Variants in CTNNBIP1 observed in about 807,000 individuals in gnomAD.
CTNNBIP1 encodes the protein catenin beta interacting protein 1.
A neutral mutation model predicts 11.8 loss-of-function variants in CTNNBIP1; 7 were observed. The ratio of observed to expected loss-of-function variants is 0.60; its 90% CI spans 0.34 to 1.12. The LOEUF is 1.12. CTNNBIP1 is among the 50% of genes most tolerant of loss of function. CTNNBIP1 has a pLI of 0.03. For missense variants in CTNNBIP1, 101 were observed against 113.4 expected (o/e 0.89, Z 0.50); for synonymous variants, 58 against 43.9 (o/e 1.32, Z -1.26).
intron 5 of CTNNBIP1, among the ~76,000 whole-genome samples, chr1:9,864,628 G>T (rs1456688942): frequency 6.6e-6 from 1 of 152,018 alleles, no homozygotes; most frequent in Admixed American, 6.6e-5. Flanking sequence ...GTGCCTGGCC[G>T]GACAAGGGCC....
In CTNNBIP1 at chr1:9,904,569, A is replaced by G. The variant is rs185554579; in HGVS notation, c.-144+5526T>C. Among the ~76,000 whole-genome samples the G allele has an allele frequency of 1.6e-3, 236 of 152,216 alleles. 1 individual carries two copies. The highest frequency in any genetic ancestry group is 3.7e-3 in the Admixed American group (57 of 15,266). Reference sequence around the variant, plus strand: ...TGGTCAGAGTTGCCAGTGTGGCCCAACCCTCTATAGAGGGGCCTGGTGATG... The same window carrying G: ...TGGTCAGAGTTGCCAGTGTGGCCCAGCCCTCTATAGAGGGGCCTGGTGATG... On this transcript the variant is annotated intron_variant, in intron 1 of 5. Coordinates refer to ENST00000377263, the MANE Select transcript of CTNNBIP1 (RefSeq NM_020248.3).
chr1:9,855,058 T>C (rs1638473080), intron 5 of CTNNBIP1, among the ~76,000 whole-genome samples: 1 of 152,214 alleles, frequency 6.6e-6, no homozygotes, highest in African/African-American at 2.4e-5. Flanking sequence ...TGTATTTTTA[T>C]ATACTAGCAA....
chr1:9,907,877 C>T (rs1351305874), intron 1 of CTNNBIP1, among the ~76,000 whole-genome samples: 1 of 152,210 alleles, frequency 6.6e-6, no homozygotes, highest in Non-Finnish European at 1.5e-5. Context: ...ACTGGTATTC[C>T]TGCCTCCACC....
At chr1:9,869,409 G>A (rs1486012987) in intron 5 of CTNNBIP1, among the ~76,000 whole-genome samples, 1 of 152,106 alleles carries the variant, frequency 6.6e-6, no homozygotes, top group African/African-American at 2.4e-5. Flanking sequence ...GTCTTGCTCT[G>A]CTGCCCAGGC....
intron 1 of CTNNBIP1, among the ~76,000 whole-genome samples, chr1:9,906,755 AGTCTACAAGAAGCATG>A (rs1639628218): frequency 6.6e-6 from 1 of 152,216 alleles, no homozygotes; most frequent in Non-Finnish European, 1.5e-5. Flanking sequence ...CTGGATGAGG[AGTCTACAAGAAGCATG>A]GTCTGATGAA....
chr1:9,887,221 C>T (rs1207211176), intron 1 of CTNNBIP1, among the ~76,000 whole-genome samples: 1 of 152,214 alleles, frequency 6.6e-6, no homozygotes, highest in African/African-American at 2.4e-5. Flanking sequence ...CAGAGTCAGT[C>T]AGCCCTCACA....
intron 5 of CTNNBIP1, among the ~76,000 whole-genome samples, chr1:9,858,352 C>T (rs192323947): frequency 2.1e-3 from 323 of 152,282 alleles, no homozygotes; most frequent in Admixed American, 5.2e-3. Flanking sequence ...TCAAGGCCAA[C>T]GCCCACCTCC....
At chr1:9,868,041 C>T (rs1638784821) in intron 5 of CTNNBIP1, among the ~76,000 whole-genome samples, 2 of 152,214 alleles carry the variant, frequency 1.3e-5, no homozygotes, top group Admixed American at 1.3e-4. Context: ...AATAAATATG[C>T]TTATGAAACT....
At chr1:9,880,264 T>C (rs138583707) in intron 2 of CTNNBIP1, among the ~76,000 whole-genome samples, 1,589 of 152,274 alleles carry the variant, frequency 0.01, 42 homozygotes, top group African/African-American at 0.035. Context: ...TTGCTAAGAA[T>C]GATGGCTTCC....
At chr1:9,877,239 C>G (rs982575445) in intron 3 of CTNNBIP1, among the ~76,000 whole-genome samples, 2 of 152,232 alleles carry the variant, frequency 1.3e-5, no homozygotes, top group African/African-American at 4.8e-5. Flanking sequence ...CTGTGGCTCC[C>G]TGTATGGGTC....
intron 1 of CTNNBIP1, among the ~76,000 whole-genome samples, chr1:9,894,343 A>G (rs1263072323): frequency 1.3e-5 from 2 of 152,090 alleles, no homozygotes; most frequent in African/African-American, 2.4e-5. Flanking sequence ...TAACACCCCA[A>G]GGAATTCTTG....
chr1:9,872,044 G>C lies in CTNNBIP1; in HGVS notation c.21C>G (p.Pro7=), dbSNP rs200381818. 1 of 1,614,140 alleles carries C rather than the reference G, an allele frequency of 6.2e-7. No homozygotes were observed. The highest frequency in any genetic ancestry group is 1.3e-5 in the African/African-American group (1 of 75,056). MNREGA[P]GKSPEEMYIQ... Reference sequence around the variant, plus strand: ...TGTACATCTCCTCCGGACTCTTCCCGGGAGCTCCCTCGCGGTTCATCCCCC... The same window carrying C: ...TGTACATCTCCTCCGGACTCTTCCCCGGAGCTCCCTCGCGGTTCATCCCCC... The change falls in exon 4 of 6, where the codon CCC becomes CCG. Residue 7 remains proline, a synonymous_variant. Coordinates refer to ENST00000377263, the MANE Select transcript of CTNNBIP1 (RefSeq NM_020248.3). This position sits in a 1 kb window ranked among gnomAD's most constrained non-coding sequence, Gnocchi z 4.0.
At chr1:9,906,954 T>C (rs906097983) in intron 1 of CTNNBIP1, among the ~76,000 whole-genome samples, 2 of 152,130 alleles carry the variant, frequency 1.3e-5, no homozygotes, top group African/African-American at 4.8e-5. Context: ...TGTGTACACA[T>C]GGAGATGAAA....
At chr1:9,859,377 G>A (rs571240639) in intron 5 of CTNNBIP1, among the ~76,000 whole-genome samples, 1 of 152,344 alleles carries the variant, frequency 6.6e-6, no homozygotes, top group South Asian at 2.1e-4. Flanking sequence ...TTAGAAAAGG[G>A]AAGCTGGCCC....
rs1421129017 is a variant in CTNNBIP1 at position 9,853,629 on chromosome 1, G to A, written c.188-2853C>T. 2.6e-5 allele frequency among the ~76,000 whole-genome samples: 4 copies of A among 152,320 alleles called. No homozygotes were observed. In the East Asian group the frequency reaches 7.7e-4, roughly 29 times the overall value. Reference sequence around the variant, plus strand: ...GCCCACTGCCTCCAGGCTGCCAGCTGGGTTTCCTACCCTGTTTTACAGATG... The same window carrying A: ...GCCCACTGCCTCCAGGCTGCCAGCTAGGTTTCCTACCCTGTTTTACAGATG... On this transcript the variant is annotated intron_variant, in intron 5 of 5. Coordinates refer to ENST00000377263, the MANE Select transcript of CTNNBIP1 (RefSeq NM_020248.3).
At chr1:9,856,254 T>C (rs1638500146) in intron 5 of CTNNBIP1, among the ~76,000 whole-genome samples, 1 of 151,816 alleles carries the variant, frequency 6.6e-6, no homozygotes, top group Admixed American at 6.6e-5. Flanking sequence ...CAAGCCATCC[T>C]CTTGCCTCTG....
chr1:9,906,727 T>C (rs1639627585), intron 1 of CTNNBIP1, among the ~76,000 whole-genome samples: 1 of 152,122 alleles, frequency 6.6e-6, no homozygotes. Flanking sequence ...CACTGCTGGG[T>C]TTACACTATA....
At position 9,872,142 on chromosome 1, in the gene CTNNBIP1, GGACAATGACACCTGCTAGT is replaced by G; in HGVS notation, c.-24-73_-24-55del. ...GAAGAGATCAGGATGTGACATACTG[GGACAATGACACCTGCTAGT>G]GACCCTCACTCCTCCCAGGAGCCGC... On this transcript the variant is annotated intron_variant, in intron 3 of 5. Transcript: ENST00000377263. The surrounding 1 kb of genome is among the most constrained non-coding windows in gnomAD (Gnocchi z 4.0). The G allele has an allele frequency of 9.3e-7, 1 of 1,078,502 alleles. No individual in the cohort carries two copies. Among genetic ancestry groups the G allele is most frequent in the Non-Finnish European group, 1.4e-6 (1 of 701,904 alleles). The allele number at this position is 1,078,502 out of a possible 1,614,324, so 66.8% of individuals were successfully genotyped here.
At chr1:9,907,722 A>G (rs1031313005) in intron 1 of CTNNBIP1, among the ~76,000 whole-genome samples, 2 of 152,216 alleles carry the variant, frequency 1.3e-5, no homozygotes, top group African/African-American at 4.8e-5. Flanking sequence ...GTTATGGGAC[A>G]TCTAACTCTC....
Sources: gnomAD v4.1 joint callset for allele counts (sites outside exome capture counted in the v4.1 genomes callset) on GRCh38, gnomAD v4.1.1 for gene constraint, Gnocchi (gnomAD v3.1) non-coding constraint, MANE v1.5 for transcripts, NCBI Gene and HGNC (gene_info 2026-07-23, HGNC 2026-07-21) for gene names.